Variants in AGTPBP1 observed in about 807,000 individuals in gnomAD.
The protein encoded by AGTPBP1 is ATP/GTP binding carboxypeptidase 1.
A neutral mutation model predicts 143.9 loss-of-function variants in AGTPBP1; 70 were observed. The observed-to-expected ratio is 0.49, with a 90% CI of 0.40 to 0.59. AGTPBP1 has a LOEUF of 0.59. AGTPBP1 is among the 20% of genes least tolerant of loss of function. The probability of loss-of-function intolerance (pLI) is 0.00; values close to 1 mark genes in which losing one functional copy is unlikely to be tolerated. For synonymous variants in AGTPBP1, 463 were observed against 500.2 expected, an observed-to-expected ratio of 0.93 and a Z score of 0.99; for missense variants, 1,229 against 1,464.5, an observed-to-expected ratio of 0.84 and a Z score of 2.62.
At chr9:85,685,996 G>T (rs926851276) in intron 3 of AGTPBP1, among the ~76,000 whole-genome samples, 1 of 151,788 alleles carries the variant, frequency 6.6e-6, no homozygotes, top group Admixed American at 6.6e-5. Flanking sequence ...AAATTAAAAC[G>T]AAATTCTAAA....
chr9:85,602,010 A>C (rs565247370), intron 17 of AGTPBP1, among the ~76,000 whole-genome samples: 3 of 152,196 alleles, frequency 2.0e-5, no homozygotes, highest in Non-Finnish European at 2.9e-5. Context: ...CCTCCCCATG[A>C]AAGTAAATAA....
intron 24 of AGTPBP1, among the ~76,000 whole-genome samples, chr9:85,577,496 G>T (rs945032446): frequency 3.3e-5 from 5 of 152,172 alleles, no homozygotes; most frequent in Admixed American, 3.3e-4. Flanking sequence ...AGCTGGAGTG[G>T]TGCTAAAGCT....
At chr9:85,561,102 T>G (rs1427921668) in intron 25 of AGTPBP1, among the ~76,000 whole-genome samples, 1 of 152,106 alleles carries the variant, frequency 6.6e-6, no homozygotes, top group Non-Finnish European at 1.5e-5. Context: ...CCGGGTGTGG[T>G]GACTCACGCC....
In AGTPBP1 at chr9:85,596,450, C is replaced by T; in HGVS notation, c.2336-1G>A. ...ACCGAATACATGAGTGGTTGCATAC[C>T]TTTGAAAGAGAGAAAAAAAGAGAGA... is the stretch of plus-strand genomic sequence containing the variant. On this transcript the variant is annotated splice_acceptor_variant, in intron 17 of 25. Transcript: ENST00000357081. LOFTEE classifies it high-confidence loss of function. 1.3e-6 allele frequency: 2 copies of T among 1,553,512 alleles called. No individual in the cohort carries two copies. The highest frequency in any genetic ancestry group is 1.7e-6 in the Non-Finnish European group (2 of 1,151,424).
intron 14 of AGTPBP1, among the ~76,000 whole-genome samples, chr9:85,625,475 CTTAT>C (rs1831212006): frequency 6.6e-6 from 1 of 152,128 alleles, no homozygotes; most frequent in Non-Finnish European, 1.5e-5. Flanking sequence ...TTTCCTTTCC[CTTAT>C]TTTTCATTTT....
chr9:85,591,181 CAAA>C (rs59204739), intron 19 of AGTPBP1, among the ~76,000 whole-genome samples: 1 of 126,456 alleles, frequency 7.9e-6, no homozygotes. Flanking sequence ...GTGGATATGG[CAAA>C]AAAAAAAAAG....
chr9:85,683,593 C>T (rs1227853489), intron 3 of AGTPBP1, among the ~76,000 whole-genome samples: 3 of 152,086 alleles, frequency 2.0e-5, no homozygotes, highest in South Asian at 4.1e-4. Flanking sequence ...CCAAATTCTG[C>T]CACAATCTTG....
intron 3 of AGTPBP1, among the ~76,000 whole-genome samples, chr9:85,686,669 T>C (rs62569233): frequency 0.017 from 2,548 of 152,254 alleles, 26 homozygotes; most frequent in Middle Eastern, 0.054. Flanking sequence ...AAACATAACA[T>C]GTAAATCAAT....
chr9:85,591,172 T>C (rs1284880912), intron 19 of AGTPBP1, among the ~76,000 whole-genome samples: 1 of 142,716 alleles, frequency 7.0e-6, no homozygotes, highest in African/African-American at 2.7e-5. Context: ...AAATAGTATG[T>C]GGATATGGCA....
At chr9:85,565,803 C>G (rs1287074415) in intron 25 of AGTPBP1, among the ~76,000 whole-genome samples, 1 of 152,160 alleles carries the variant, frequency 6.6e-6, no homozygotes, top group Non-Finnish European at 1.5e-5. Flanking sequence ...GAGCACTCAT[C>G]CTCGTCTCAA....
At chr9:85,615,096 TTGTAGCTACTTAACCAC>T (rs1472964984) in intron 17 of AGTPBP1, among the ~76,000 whole-genome samples, 1 of 152,176 alleles carries the variant, frequency 6.6e-6, no homozygotes, top group African/African-American at 2.4e-5. Context: ...ATGAATTTAG[TTGTAGCTACTTAACCAC>T]TAAGAATAGG....
At chr9:85,779,218 GAT>G in the AGTPBP1 span, among the ~76,000 whole-genome samples, 1 of 99,978 alleles carries the variant, frequency 1.0e-5, no homozygotes, top group African/African-American at 3.3e-5. Flanking sequence ...TATAGATATA[GAT>G]ATAGATATAG....
chr9:85,546,977 C>T lies in AGTPBP1; in HGVS notation c.*132G>A. The T allele has an allele frequency of 1.2e-6, 1 of 865,358 alleles. No individual in the cohort carries two copies. Among genetic ancestry groups the T allele is most frequent in the Non-Finnish European group, 1.6e-6 (1 of 622,308 alleles). The allele number at this position is 865,358 out of a possible 1,614,324, so 53.6% of individuals were successfully genotyped here. Reference sequence around the variant, plus strand: ...TAATAACACATTTATTATCTTGAAACCAAACTGGCCCAAGTTACTTTTTGT... The same window carrying T: ...TAATAACACATTTATTATCTTGAAATCAAACTGGCCCAAGTTACTTTTTGT... On this transcript the variant is annotated 3_prime_UTR_variant, in exon 26 of 26. Transcript: ENST00000357081.
chr9:85,640,415 T>C (rs1006255523), intron 13 of AGTPBP1, among the ~76,000 whole-genome samples: 9 of 152,256 alleles, frequency 5.9e-5, no homozygotes, highest in African/African-American at 2.2e-4. Flanking sequence ...AGCTACTCTA[T>C]ATAAAACTTT....
intron 14 of AGTPBP1, among the ~76,000 whole-genome samples, chr9:85,626,615 C>T (rs1056792578): frequency 6.6e-6 from 1 of 152,138 alleles, no homozygotes; most frequent in African/African-American, 2.4e-5. Flanking sequence ...TTAACCTGAA[C>T]TATATTTGAT....
the AGTPBP1 span, among the ~76,000 whole-genome samples, chr9:85,767,626 G>A: frequency 2.6e-5 from 4 of 151,342 alleles, no homozygotes; most frequent in Non-Finnish European, 4.4e-5. Flanking sequence ...GATTACAGGC[G>A]TAAGCCACCG....
intron 1 of AGTPBP1, among the ~76,000 whole-genome samples, chr9:85,721,370 GGATA>G (rs2134615803): frequency 6.6e-6 from 1 of 152,242 alleles, no homozygotes; most frequent in South Asian, 2.1e-4. Flanking sequence ...TATATATTTA[GGATA>G]GTTAGCTCTT....
intron 2 of AGTPBP1, among the ~76,000 whole-genome samples, chr9:85,706,882 A>T (rs1837045364): frequency 6.6e-6 from 1 of 152,136 alleles, no homozygotes. Flanking sequence ...TCTCAAAATA[A>T]ATAAATAAAT....
At chr9:85,634,501 T>C (rs1307225052) in intron 13 of AGTPBP1, among the ~76,000 whole-genome samples, 5 of 152,072 alleles carry the variant, frequency 3.3e-5, no homozygotes, top group Non-Finnish European at 2.9e-5. Flanking sequence ...CTGGAGAGCC[T>C]TGCACACTAT....
Sources: allele counts gnomAD v4.1 joint callset (sites outside exome capture counted in the v4.1 genomes callset), GRCh38; gene constraint gnomAD v4.1.1; transcripts MANE v1.5; gene names NCBI Gene and HGNC (gene_info 2026-07-23, HGNC 2026-07-21).